ADGRL2: variants seen among roughly 807,000 people sequenced by gnomAD.
ADGRL2 encodes the protein adhesion G protein-coupled receptor L2.
A neutral mutation model predicts 157.4 loss-of-function variants in ADGRL2; 44 were observed. The observed-to-expected ratio is 0.28, with a 90% CI of 0.22 to 0.36. The LOEUF is 0.36. Among genes scored for constraint, ADGRL2 ranks in the 10% least tolerant of loss-of-function variants. The pLI, the probability that ADGRL2 is intolerant of heterozygous loss-of-function variation, is 1.00. For missense variants in ADGRL2, 1,510 were observed against 1,768.9 expected (o/e 0.85, Z 2.63); for synonymous variants, 585 against 624.7 (o/e 0.94, Z 0.95).
chr1:81,430,597 GT>G (rs1242429581), intron 1 of ADGRL2, among the ~76,000 whole-genome samples: 1 of 152,186 alleles, frequency 6.6e-6, no homozygotes, highest in Non-Finnish European at 1.5e-5. Context: ...CTGAGATGAT[GT>G]CTTTCCCCTC....
chr1:81,449,025 A>G (rs2077656657), intron 2 of ADGRL2, among the ~76,000 whole-genome samples: 1 of 152,242 alleles, frequency 6.6e-6, no homozygotes, highest in South Asian at 2.1e-4. Context: ...TGTTCATTTC[A>G]GTATAATAAA....
chr1:81,855,525 T>C (rs911768686), intron 2 of ADGRL2, among the ~76,000 whole-genome samples: 1 of 152,182 alleles, frequency 6.6e-6, no homozygotes, highest in African/African-American at 2.4e-5. Flanking sequence ...AGTATTTTGA[T>C]ACTTTTTCTT....
chr1:81,360,089 T>C (rs1309797483), intron 1 of ADGRL2, among the ~76,000 whole-genome samples: 1 of 152,024 alleles, frequency 6.6e-6, no homozygotes, highest in Non-Finnish European at 1.5e-5. Flanking sequence ...ATATTCAACA[T>C]GGCCTTCAAG....
Position 81,375,439 on chromosome 1 carries a change from G to A in ADGRL2, c.-302+68930G>A, listed in dbSNP as rs114502171. Among the ~76,000 whole-genome samples the A allele has an allele frequency of 2.3e-4, 35 of 152,080 alleles. 1 individual carries two copies. The highest frequency in any genetic ancestry group is 1.2e-3 in the Admixed American group (19 of 15,276). On this transcript the variant is annotated intron_variant, in intron 1 of 24. Transcript: ENST00000370721. Reference sequence around the variant, plus strand: ...ATGGATCATTTACAATAATATACAGGTATAAATAAGAAGAGGGATTTTATC... The same window carrying A: ...ATGGATCATTTACAATAATATACAGATATAAATAAGAAGAGGGATTTTATC...
chr1:81,637,460 T>A (rs990187246), intron 3 of ADGRL2, among the ~76,000 whole-genome samples: 1 of 152,122 alleles, frequency 6.6e-6, no homozygotes, highest in Non-Finnish European at 1.5e-5. Flanking sequence ...TTAGCACAGC[T>A]GAAAAACAAC....
intron 2 of ADGRL2, among the ~76,000 whole-genome samples, chr1:81,872,503 A>G (rs2093724577): frequency 6.6e-6 from 1 of 152,150 alleles, no homozygotes; most frequent in African/African-American, 2.4e-5. Context: ...ATATTTCAAC[A>G]GGTGATACCT....
chr1:81,867,096 G>A (rs1168431566), intron 2 of ADGRL2, among the ~76,000 whole-genome samples: 1 of 152,062 alleles, frequency 6.6e-6, no homozygotes, highest in Non-Finnish European at 1.5e-5. Flanking sequence ...TGAGATCTAT[G>A]TTATTTAAAA....
At position 81,668,729 on chromosome 1, in the gene ADGRL2, A is replaced by ATT. The variant is rs371722622; in HGVS notation, c.-143+87760_-143+87761dup. ...AGGCATGTGCCACCAGGCCCGGCTA[A>ATT]TTTTTTTTTTTTGTATTTTTGGTAG... On this transcript the variant is annotated intron_variant, in intron 3 of 24. Coordinates refer to the ADGRL2 transcript ENST00000370721. Among the ~76,000 whole-genome samples the ATT allele has an allele frequency of 9.3e-3, 1,370 of 147,168 alleles. 6 individuals are homozygous for ATT. Among genetic ancestry groups the ATT allele is most frequent in the South Asian group, 0.035 (159 of 4,598 alleles).
chr1:81,560,149 C>T (rs895110597), intron 2 of ADGRL2, among the ~76,000 whole-genome samples: 32 of 152,066 alleles, frequency 2.1e-4, no homozygotes, highest in African/African-American at 6.8e-4. Flanking sequence ...TTAATAAATG[C>T]TTGATGAGAT....
chr1:81,695,619 G>T (rs971480972), upstream of ADGRL2, among the ~76,000 whole-genome samples: 1 of 152,050 alleles, frequency 6.6e-6, no homozygotes, highest in African/African-American at 2.4e-5. Flanking sequence ...CAGGTGTTAA[G>T]AGACCAGCCT....
chr1:81,989,716 C>G (rs1664191872), intron 23 of ADGRL2: 1 of 1,609,898 alleles, frequency 6.2e-7, no homozygotes, highest in African/African-American at 1.3e-5. Flanking sequence ...CAAAGTGAGT[C>G]ATTCCACCTG....
chr1:81,913,794 C>G (rs888126825), intron 3 of ADGRL2, among the ~76,000 whole-genome samples: 1 of 152,084 alleles, frequency 6.6e-6, no homozygotes, highest in Admixed American at 6.6e-5. Context: ...GGATTATTTT[C>G]CACAGGGGCT....
At chr1:81,878,870 G>A (rs1250376300) in intron 2 of ADGRL2, among the ~76,000 whole-genome samples, 1 of 152,136 alleles carries the variant, frequency 6.6e-6, no homozygotes, top group East Asian at 1.9e-4. Flanking sequence ...ATATGCTACG[G>A]TAGTATTTTG....
At chr1:81,405,614 C>T (rs190201801) in intron 1 of ADGRL2, among the ~76,000 whole-genome samples, 1 of 144,222 alleles carries the variant, frequency 6.9e-6, no homozygotes, top group Admixed American at 7.1e-5. Flanking sequence ...TATACCACCG[C>T]ACTCCAGCCT....
At chr1:81,833,280 C>T (rs1465323808) in intron 1 of ADGRL2, among the ~76,000 whole-genome samples, 2 of 152,176 alleles carry the variant, frequency 1.3e-5, no homozygotes, top group African/African-American at 4.8e-5. Flanking sequence ...GGATGGGTGA[C>T]TTTGGTAGTT....
intron 1 of ADGRL2, among the ~76,000 whole-genome samples, chr1:81,815,742 T>C (rs1032164342): frequency 6.6e-6 from 1 of 151,840 alleles, no homozygotes; most frequent in Non-Finnish European, 1.5e-5. Flanking sequence ...ATGTGTTTTA[T>C]TTTTTACTAA....
intron 1 of ADGRL2, among the ~76,000 whole-genome samples, chr1:81,311,783 A>T (rs1029480894): frequency 2.0e-5 from 3 of 152,214 alleles, no homozygotes; most frequent in Non-Finnish European, 4.4e-5. Context: ...TGGATAAAAA[A>T]TATATACTAT....
intron 2 of ADGRL2, among the ~76,000 whole-genome samples, chr1:81,492,801 C>A (rs188197352): frequency 6.6e-6 from 1 of 152,088 alleles, no homozygotes; most frequent in Non-Finnish European, 1.5e-5. Flanking sequence ...TTACTACTGA[C>A]GTCAATCAGA....
Position 81,502,459 on chromosome 1 carries a change from C to T in ADGRL2, c.-248+57370C>T, listed in dbSNP as rs1011479920. On this transcript the variant is annotated intron_variant, in intron 2 of 24. Transcript: ENST00000370721. ...GGAAAGAGTTCCTGGATGACCTCTTCGTCTTTATGCAGAAGAGGCGGACCC... is the reference window on the plus strand; with the variant it reads ...GGAAAGAGTTCCTGGATGACCTCTTTGTCTTTATGCAGAAGAGGCGGACCC... The T allele has an allele frequency of 8.1e-6, 13 of 1,613,868 alleles. No individual in the cohort carries two copies. In the Admixed American group the frequency reaches 8.3e-5, roughly 10 times the overall value.
Sources: gnomAD v4.1 joint callset for allele counts (sites outside exome capture counted in the v4.1 genomes callset) on GRCh38, gnomAD v4.1.1 for gene constraint, MANE v1.5 for transcripts, NCBI Gene and HGNC (gene_info 2026-07-23, HGNC 2026-07-21) for gene names.